Variants in ZNF410 observed in about 807,000 individuals in gnomAD.
The protein encoded by ZNF410 is another partner for ARF 1.
Under a neutral mutation model 54.8 loss-of-function variants are expected in ZNF410, and 18 were observed. The ratio of observed to expected loss-of-function variants is 0.33; its 90% CI spans 0.23 to 0.49. ZNF410 has a LOEUF of 0.49. Among genes scored for constraint, ZNF410 ranks in the 20% least tolerant of loss-of-function variants. The pLI, the probability that ZNF410 is intolerant of heterozygous loss-of-function variation, is 0.99. For synonymous variants in ZNF410, 191 were observed against 207.3 expected (o/e 0.92, Z 0.68); for missense variants, 405 against 569.6 (o/e 0.71, Z 2.94).
chr14:73,918,773 A>G (rs2140320584), intron 8 of ZNF410, among the ~76,000 whole-genome samples: 1 of 133,600 alleles, frequency 7.5e-6, no homozygotes, highest in East Asian at 2.2e-4. Context: ...ATGTCGGCTC[A>G]CTGCAAGCTC....
At chr14:73,906,482 C>G (rs1424267992) in intron 7 of ZNF410, 1 of 151,792 alleles carries the variant, frequency 6.6e-6, no homozygotes, top group Non-Finnish European at 1.5e-5. Context: ...TTTCTTTTTT[C>G]TTATTTATTT....
intron 3 of ZNF410, among the ~76,000 whole-genome samples, chr14:73,894,772 AAG>A (rs1237991785): frequency 6.6e-6 from 1 of 152,158 alleles, no homozygotes; most frequent in Non-Finnish European, 1.5e-5. Flanking sequence ...GAGAAGGAAA[AAG>A]AGAAGGCGGT....
chr14:73,897,133 A>G (rs1280842195), intron 4 of ZNF410, among the ~76,000 whole-genome samples: 1 of 152,184 alleles, frequency 6.6e-6, no homozygotes, highest in Non-Finnish European at 1.5e-5. Flanking sequence ...CATGCCAAAT[A>G]CTACATGATG....
intron 8 of ZNF410, among the ~76,000 whole-genome samples, chr14:73,910,847 GCGAGACCCT>G: frequency 2.1e-5 from 3 of 142,952 alleles, no homozygotes; most frequent in African/African-American, 8.5e-5. Context: ...GGGTGACAGG[GCGAGACCCT>G]GTCTCAAAAA....
chr14:73,898,425 G>T lies in ZNF410; in HGVS notation c.580+163G>T, dbSNP rs539047112. On this transcript the variant is annotated intron_variant, in intron 5 of 11. Transcript: ENST00000555044. ...ATTTTATTTTCTATAAAATAACTTG[G>T]TCATGCCAGATTTGTGTTCAAAACC... is the stretch of plus-strand genomic sequence containing the variant. The T allele has an allele frequency of 4.3e-5, 36 of 831,546 alleles. No homozygotes were observed. The South Asian group carries it at 6.2e-4, about 14-fold the overall frequency. 51.5% of individuals were successfully genotyped at this position (831,546 alleles called of 1,614,324 possible).
rs372793831 is a variant in ZNF410, at chr14:73,903,921, G to C, written c.581-39G>C. 125 of 1,612,228 alleles carry C rather than the reference G, an allele frequency of 7.8e-5. 2 individuals are homozygous for C. The South Asian group carries it at 1.3e-3, about 16-fold the overall frequency. ...TGTTTGAGCCTAAGTATCTGAGTAG[G>C]GTCTTTCCCTGGATTACAAATATGT... On this transcript the variant is annotated intron_variant, in intron 5 of 11. Transcript: ENST00000555044.
At chr14:73,888,970 C>T (rs930230673) in intron 1 of ZNF410, among the ~76,000 whole-genome samples, 5 of 152,096 alleles carry the variant, frequency 3.3e-5, no homozygotes, top group East Asian at 1.9e-4. Flanking sequence ...AGAAAATGCT[C>T]GTGTTAATTT....
At chr14:73,915,418 A>G (rs1260226803) in intron 8 of ZNF410, among the ~76,000 whole-genome samples, 1 of 150,278 alleles carries the variant, frequency 6.7e-6, no homozygotes, top group East Asian at 2.0e-4. Context: ...GCTCACTGCA[A>G]CCTCTGCCTC....
intron 5 of ZNF410, among the ~76,000 whole-genome samples, chr14:73,901,158 G>C (rs11159044): frequency 0.15 from 22,900 of 152,228 alleles, 2,236 homozygotes; most frequent in East Asian, 0.32. Flanking sequence ...ATCAGCAAAG[G>C]CCTTTGGGCC....
At chr14:73,903,153 G>C (rs1566656035) in intron 5 of ZNF410, among the ~76,000 whole-genome samples, 1 of 152,138 alleles carries the variant, frequency 6.6e-6, no homozygotes, top group Non-Finnish European at 1.5e-5. Context: ...TTTTGAAACA[G>C]GGTCTTACTC....
chr14:73,920,954 C>G, intron 8 of ZNF410, 26 bp from the exon 9 acceptor site: 1 of 1,612,668 alleles, frequency 6.2e-7, no homozygotes, highest in South Asian at 1.1e-5. Flanking sequence ...TTTTGGCTTC[C>G]TTGTTTAACC....
Position 73,893,830 on chromosome 14 carries a change from C to T in ZNF410, c.67C>T (p.Pro23Ser). The change falls in exon 3 of 12, where the codon CCA (proline) becomes TCA (serine). Residue 23 changes from proline (P) to serine (S), a missense_variant. By Grantham distance (74) the Pro-to-Ser change is moderately conservative. Around this residue, in one of 3 missense-constraint regions of ZNF410, gnomAD observed 247 missense variants for 342.8 expected, o/e 0.72. Transcript: ENST00000555044. ...LVQFVQNTSI[P>S]LGQGLVESEA... ...ACAGTTTGTTCAGAATACGTCCATCCCATTGGGACAGGGGCTTGTAGAATC... is the reference window on the plus strand; with the variant it reads ...ACAGTTTGTTCAGAATACGTCCATCTCATTGGGACAGGGGCTTGTAGAATC... The T allele has an allele frequency of 6.2e-7, 1 of 1,613,578 alleles. No individual in the cohort carries two copies. The highest frequency in any genetic ancestry group is 1.3e-5 in the African/African-American group (1 of 74,980).
chr14:73,900,280 A>G (rs1433185930), intron 5 of ZNF410, among the ~76,000 whole-genome samples: 2 of 151,930 alleles, frequency 1.3e-5, no homozygotes, highest in African/African-American at 4.8e-5. Flanking sequence ...ATTTTTTTCT[A>G]ACTTAGTTAT....
Position 73,896,483 on chromosome 14 carries a change from C to G in ZNF410, c.337C>G (p.Leu113Val). Reference sequence around the variant, plus strand: ...AGAGTCTTCTAGCTTGTTGCAAGATCTACAGCCAAGTGATAGCACTTCTTT... The same window carrying G: ...AGAGTCTTCTAGCTTGTTGCAAGATGTACAGCCAAGTGATAGCACTTCTTT... ...TSESSSLLQD[L>V]QPSDSTSFIL... The change falls in exon 4 of 12, where the codon CTA becomes GTA. Residue 113 changes from leucine (L) to valine (V), a missense_variant. By Grantham distance (32) the Leu-to-Val change is conservative. Around this residue, in one of 3 missense-constraint regions of ZNF410, gnomAD observed 247 missense variants for 342.8 expected, o/e 0.72. Transcript: ENST00000555044. 1 of 1,614,166 alleles carries G rather than the reference C, an allele frequency of 6.2e-7. No individual in the cohort carries two copies. The highest frequency in any genetic ancestry group is 8.5e-7 in the Non-Finnish European group (1 of 1,180,028).
intron 5 of ZNF410, among the ~76,000 whole-genome samples, chr14:73,902,593 A>G (rs2055425094): frequency 6.6e-6 from 1 of 152,154 alleles, no homozygotes; most frequent in Admixed American, 6.6e-5. Flanking sequence ...TAGGCACAAC[A>G]TATATATTCT....
chr14:73,923,289 A>G, intron 10 of ZNF410, 106 bp from the exon 11 acceptor site: 2 of 1,270,598 alleles, frequency 1.6e-6, no homozygotes, highest in South Asian at 1.8e-5. Flanking sequence ...GGAATGTGGG[A>G]AATAGAGGAA....
intron 5 of ZNF410, chr14:73,903,726 C>T (rs909238729): frequency 3.9e-6 from 2 of 513,534 alleles, no homozygotes; most frequent in Admixed American, 3.4e-5. Context: ...TCTCGGAACA[C>T]CTGGGCTCAA....
At chr14:73,923,751 T>C (rs1239724492) in intron 11 of ZNF410, among the ~76,000 whole-genome samples, 1 of 152,222 alleles carries the variant, frequency 6.6e-6, no homozygotes, top group Non-Finnish European at 1.5e-5. Context: ...AGTTCTTTTA[T>C]ATACATTCCT....
chr14:73,925,313 T>G (rs752527945), intron 11 of ZNF410, among the ~76,000 whole-genome samples: 1 of 152,224 alleles, frequency 6.6e-6, no homozygotes, highest in Non-Finnish European at 1.5e-5. Context: ...TTTTTCTATT[T>G]TAAAGCTTTT....
Sources: allele counts gnomAD v4.1 joint callset (sites outside exome capture counted in the v4.1 genomes callset), GRCh38; gene constraint gnomAD v4.1.1; regional missense constraint gnomAD v4.1.1; transcripts MANE v1.5; gene names NCBI Gene and HGNC (gene_info 2026-07-23, HGNC 2026-07-21).